Variants in IL1RN observed in about 807,000 individuals in gnomAD.
IL1RN encodes the protein interleukin 1 receptor antagonist.
In IL1RN, 10 loss-of-function variants were observed where a neutral mutation model predicts 13.7. The observed-to-expected ratio is 0.73, with a 90% confidence interval of 0.45 to 1.24. The LOEUF is 1.24. Among genes scored for constraint, IL1RN ranks in the 50% most tolerant of loss-of-function variants. IL1RN has a pLI of 0.00. For missense variants in IL1RN, 213 were observed against 222.1 expected, an observed-to-expected ratio of 0.96 and a Z score of 0.26; for synonymous variants, 102 against 82.7, an observed-to-expected ratio of 1.23 and a Z score of -1.27.
intron 1 of IL1RN, among the ~76,000 whole-genome samples, chr2:113,129,138 A>C (rs1038743916): frequency 3.9e-5 from 6 of 152,242 alleles, no homozygotes; most frequent in Admixed American, 3.9e-4. Context: ...AAAATAGAAG[A>C]AAATTTAAAA....
At chr2:113,129,507 G>A (rs1687083230) in intron 1 of IL1RN, 69 bp from the exon 2 acceptor site, 2 of 956,342 alleles carry the variant, frequency 2.1e-6, no homozygotes. Context: ...GGGGGACACA[G>A]GAAGGTGCCA....
chr2:113,133,149 A>C lies in IL1RN; in HGVS notation c.*278A>C, dbSNP rs930029251. On this transcript the variant is annotated 3_prime_UTR_variant, in exon 4 of 4. Coordinates refer to ENST00000409930, the MANE Select transcript of IL1RN (RefSeq NM_173842.3). Reference sequence around the variant, plus strand: ...ATGTCGCCTCTGCATTCAGGATCAAACCCCGACCACCTGCCCAACCTGCTC... The same window carrying C: ...ATGTCGCCTCTGCATTCAGGATCAACCCCCGACCACCTGCCCAACCTGCTC... 1 of 500,720 alleles carries C rather than the reference A, an allele frequency of 2.0e-6. No individual in the cohort carries two copies. The highest frequency in any genetic ancestry group is 3.7e-6 in the Non-Finnish European group (1 of 273,468). 31.0% of individuals were successfully genotyped at this position (500,720 alleles called of 1,614,324 possible). A position where few individuals can be genotyped will look rare whatever the true frequency, so the allele number is the denominator to read the frequency against.
At chr2:113,127,844 G>A in intron 1 of IL1RN, 104 bp downstream of exon 1, 10 of 1,103,394 alleles carry the variant, frequency 9.1e-6, no homozygotes, top group South Asian at 1.3e-5. Context: ...CTGAGAACTG[G>A]GTTTGGGCTG....
rs1687244267 is a variant in IL1RN, at chr2:113,133,386, C to T, written c.*515C>T. On this transcript the variant is annotated 3_prime_UTR_variant, in exon 4 of 4. Coordinates refer to ENST00000409930, the MANE Select transcript of IL1RN (RefSeq NM_173842.3). ...TCAGTCCCCGTGAAGGAGAGCCCTT[C>T]ATTTGGAGATTATGTTCTTTCGGGG... The T allele has an allele frequency of 6.1e-6, 1 of 163,600 alleles. No individual in the cohort carries two copies. Among genetic ancestry groups the T allele is most frequent in the Non-Finnish European group, 1.4e-5 (1 of 73,990 alleles). The allele number at this position is 163,600 out of a possible 1,614,324, so 10.1% of individuals were successfully genotyped here.
At chr2:113,122,719 C>G (rs1454726445), upstream of IL1RN, among the ~76,000 whole-genome samples, 2 of 152,188 alleles carry the variant, frequency 1.3e-5, no homozygotes, top group Non-Finnish European at 2.9e-5. Flanking sequence ...ATCGGGCTGG[C>G]TTTAAAGGCC....
chr2:113,115,913 G>A (rs1686583037), upstream of IL1RN, among the ~76,000 whole-genome samples: 1 of 152,202 alleles, frequency 6.6e-6, no homozygotes, highest in South Asian at 2.1e-4. Flanking sequence ...GGCCCTGACT[G>A]GAAGCCTAGT....
intron 3 of IL1RN, 96 bp from the exon 4 acceptor site, chr2:113,132,560 C>G (rs1177385916): frequency 8.9e-7 from 1 of 1,127,040 alleles, no homozygotes; most frequent in Non-Finnish European, 1.3e-6. Context: ...TAACTCTGGG[C>G]TGTCCAGAGG....
chr2:113,120,906 C>A (rs1479475322), intron 2 of IL1RN, among the ~76,000 whole-genome samples: 1 of 152,174 alleles, frequency 6.6e-6, no homozygotes, highest in Admixed American at 6.5e-5. Context: ...GGTTTCAATC[C>A]TGGCCTGGCC....
chr2:113,118,812 G>A (rs939865970), intron 1 of IL1RN, among the ~76,000 whole-genome samples: 6 of 152,148 alleles, frequency 3.9e-5, no homozygotes. Flanking sequence ...CAAGGTGGGT[G>A]GATCTCTTGA....
At chr2:113,125,854 G>A (rs972622516), upstream of IL1RN, among the ~76,000 whole-genome samples, 5 of 152,114 alleles carry the variant, frequency 3.3e-5, no homozygotes, top group South Asian at 2.1e-4. Flanking sequence ...GCTGGAGTGC[G>A]GTGGCGTGAT....
chr2:113,108,687 G>A (rs751172272), upstream of IL1RN, among the ~76,000 whole-genome samples: 3 of 152,052 alleles, frequency 2.0e-5, no homozygotes, highest in Non-Finnish European at 2.9e-5. Context: ...GGTGGAGTAG[G>A]GGCATTATTC....
upstream of IL1RN, among the ~76,000 whole-genome samples, chr2:113,106,291 T>C (rs931161584): frequency 1.3e-5 from 2 of 152,214 alleles, no homozygotes; most frequent in Non-Finnish European, 2.9e-5. Flanking sequence ...GGATAGTGAA[T>C]AAAGATACAA....
upstream of IL1RN, among the ~76,000 whole-genome samples, chr2:113,110,442 G>C (rs547036315): frequency 6.6e-6 from 1 of 152,216 alleles, no homozygotes; most frequent in South Asian, 2.1e-4. Flanking sequence ...AAATTAAAGA[G>C]GTACGTTTTG....
At chr2:113,124,248 G>C (rs74428536), upstream of IL1RN, among the ~76,000 whole-genome samples, 1 of 152,140 alleles carries the variant, frequency 6.6e-6, no homozygotes, top group Admixed American at 6.6e-5. Flanking sequence ...CAGAACTCGG[G>C]GGGTGCTGAG....
Position 113,129,630 on chromosome 2 carries a change from T to C in IL1RN, c.171T>C (p.Ala57=), listed in dbSNP as rs419598. The C allele has an allele frequency of 0.26, 423,657 of 1,609,674 alleles. 59,383 individuals are homozygous for C. The highest frequency in any genetic ancestry group is 0.31 in the Admixed American group (18,509 of 60,004). Residue 57 remains alanine (A), a synonymous_variant, in exon 2 of 4, where the codon GCT becomes GCC. Transcript: ENST00000409930. Reference sequence around the variant, plus strand: ...ATCTGAGGAACAACCAACTAGTTGCTGGATACTTGCAAGGACCAAATGTCA... The same window carrying C: ...ATCTGAGGAACAACCAACTAGTTGCCGGATACTTGCAAGGACCAAATGTCA... The part of the protein sequence containing the change: ...TFYLRNNQLV[A]GYLQGPNVNL...
upstream of IL1RN, chr2:113,107,219 A>C (rs568385662): frequency 6.6e-6 from 1 of 152,368 alleles, no homozygotes; most frequent in South Asian, 2.1e-4. Context: ...TACAGATCTC[A>C]GAAACACAGC....
At chr2:113,120,218 G>T in intron 2 of IL1RN, 1 of 902,196 alleles carries the variant, frequency 1.1e-6, no homozygotes, top group Non-Finnish European at 1.9e-6. Flanking sequence ...GGAAATTAAA[G>T]ATGAATGGTT....
upstream of IL1RN, chr2:113,111,020 A>G (rs1328244031): frequency 6.6e-6 from 1 of 152,240 alleles, no homozygotes; most frequent in African/African-American, 2.4e-5. Context: ...GAGTAACCAA[A>G]AGGCTTAGAG....
upstream of IL1RN, chr2:113,115,555 T>A (rs1319197270): frequency 6.6e-6 from 1 of 152,194 alleles, no homozygotes; most frequent in African/African-American, 2.4e-5. Flanking sequence ...ATTGGGGTTG[T>A]GGATCCTCAG....
Sources: gnomAD v4.1 joint callset for allele counts (sites outside exome capture counted in the v4.1 genomes callset) on GRCh38, gnomAD v4.1.1 for gene constraint, MANE v1.5 for transcripts, NCBI Gene and HGNC (gene_info 2026-07-23, HGNC 2026-07-21) for gene names.